ESF1: variants seen among roughly 807,000 people sequenced by gnomAD.
ESF1 encodes the protein ESF1 homolog.
ESF1 carries 58 observed loss-of-function variants against 92.0 expected under a neutral mutation model. That is an observed-to-expected ratio of 0.63 (90% CI 0.51 to 0.78). ESF1 has a LOEUF of 0.78. Among genes scored for constraint, ESF1 ranks in the 30% least tolerant of loss-of-function variants. The pLI is 0.00. For missense variants in ESF1, 922 were observed against 989.1 expected, an observed-to-expected ratio of 0.93 and a Z score of 0.91; for synonymous variants, 321 against 313.7, an observed-to-expected ratio of 1.02 and a Z score of -0.24.
At chr20:13,768,025 C>T (rs948454753) in intron 7 of ESF1, among the ~76,000 whole-genome samples, 5 of 152,226 alleles carry the variant, frequency 3.3e-5, no homozygotes, top group African/African-American at 1.2e-4. Flanking sequence ...GAACTTTAGA[C>T]TGGCTGGCTG....
chr20:13,724,928 TTC>T (rs1403620824), intron 11 of ESF1, among the ~76,000 whole-genome samples: 8 of 152,092 alleles, frequency 5.3e-5, no homozygotes, highest in Non-Finnish European at 1.5e-5. Context: ...GCTCAGCTGG[TTC>T]TCTCTTTCTC....
intron 1 of ESF1, among the ~76,000 whole-genome samples, chr20:13,783,947 C>G (rs1423359263): frequency 6.6e-6 from 1 of 152,242 alleles, no homozygotes; most frequent in East Asian, 1.9e-4. Context: ...GTAAGACTAG[C>G]ATTCTAACTA....
chr20:13,772,974 G>A (rs1025908786), intron 4 of ESF1, among the ~76,000 whole-genome samples: 3 of 152,142 alleles, frequency 2.0e-5, no homozygotes, highest in African/African-American at 7.2e-5. Context: ...GACTGAATTA[G>A]TTTACATGAA....
chr20:13,730,817 A>G (rs1218521524), intron 10 of ESF1, among the ~76,000 whole-genome samples: 1 of 152,026 alleles, frequency 6.6e-6, no homozygotes, highest in Non-Finnish European at 1.5e-5. Flanking sequence ...TATAGATCTC[A>G]ACAACAGCTA....
chr20:13,764,330 T>A (rs749893039), intron 8 of ESF1, among the ~76,000 whole-genome samples: 1 of 152,184 alleles, frequency 6.6e-6, no homozygotes. Flanking sequence ...AAAGTTGACA[T>A]GAAATTACAA....
Position 13,782,986 on chromosome 20 carries a change from G to A in ESF1, c.155C>T (p.Ala52Val), listed in dbSNP as rs1980286546. The A allele has an allele frequency of 3.7e-6, 6 of 1,614,020 alleles. No homozygotes were observed. The highest frequency in any genetic ancestry group is 5.1e-6 in the Non-Finnish European group (6 of 1,180,004). ...FHDKKFKLNY[A>V]VDKRGRPISH... is the part of the protein sequence containing the mutation. ...AATGGGGCGCCCTCTTTTATCCACG[G>A]CATAGTTCAACTTGAACTTCTTGTC... Residue 52 changes from alanine to valine, a missense_variant, in exon 2 of 14, where the codon GCC becomes GTC. Transcript: ENST00000617257.
At chr20:13,734,099 C>T (rs530574868) in intron 9 of ESF1, among the ~76,000 whole-genome samples, 1 of 152,264 alleles carries the variant, frequency 6.6e-6, no homozygotes, top group Admixed American at 6.5e-5. Context: ...AACCTAGCAA[C>T]TTGATACATG....
chr20:13,771,100 G>A (rs1363215000), intron 6 of ESF1, among the ~76,000 whole-genome samples: 1 of 152,164 alleles, frequency 6.6e-6, no homozygotes. Context: ...CTTAAAAACA[G>A]AGCCAATATG....
intron 9 of ESF1, among the ~76,000 whole-genome samples, chr20:13,740,624 G>A (rs2050006024): frequency 6.6e-6 from 1 of 152,128 alleles, no homozygotes; most frequent in African/African-American, 2.4e-5. Flanking sequence ...AAAGTTTTCA[G>A]AACTAACAAA....
chr20:13,784,312 A>C (rs1980507953), intron 1 of ESF1, among the ~76,000 whole-genome samples: 1 of 140,902 alleles, frequency 7.1e-6, no homozygotes, highest in Admixed American at 7.0e-5. Flanking sequence ...TAAAAGGGCA[A>C]TATTTCTTAT....
At chr20:13,728,111 A>G (rs2049914104) in intron 11 of ESF1, among the ~76,000 whole-genome samples, 1 of 152,138 alleles carries the variant, frequency 6.6e-6, no homozygotes, top group Non-Finnish European at 1.5e-5. Flanking sequence ...CACTAAGGAT[A>G]TTTCCCAGAA....
intron 8 of ESF1, among the ~76,000 whole-genome samples, chr20:13,761,646 A>C (rs1235656001): frequency 6.6e-6 from 1 of 152,186 alleles, no homozygotes; most frequent in Non-Finnish European, 1.5e-5. Flanking sequence ...CAACGATCTC[A>C]TTAATATATT....
intron 10 of ESF1, 94 bp from the exon 11 acceptor site, chr20:13,728,559 G>C: frequency 9.8e-7 from 1 of 1,019,980 alleles, no homozygotes; most frequent in East Asian, 2.7e-5. Flanking sequence ...TTTAAACCAA[G>C]TAGTTCAATC....
chr20:13,735,818 A>T (rs1453040730), intron 9 of ESF1, among the ~76,000 whole-genome samples: 1 of 152,162 alleles, frequency 6.6e-6, no homozygotes, highest in Non-Finnish European at 1.5e-5. Flanking sequence ...CTACTTCTGA[A>T]TCACCATGAT....
At chr20:13,773,374 G>T (rs1018445978) in intron 4 of ESF1, among the ~76,000 whole-genome samples, 2 of 152,138 alleles carry the variant, frequency 1.3e-5, no homozygotes, top group Admixed American at 1.3e-4. Context: ...TAATATATAT[G>T]TAGTCACATC....
intron 2 of ESF1, among the ~76,000 whole-genome samples, chr20:13,780,758 T>C (rs368714948): frequency 1.1e-4 from 16 of 152,332 alleles, no homozygotes; most frequent in African/African-American, 3.6e-4. Context: ...TTCAGTTACA[T>C]CTTCAACTAT....
chr20:13,765,745 G>C (rs542292216), intron 8 of ESF1, among the ~76,000 whole-genome samples: 36 of 152,088 alleles, frequency 2.4e-4, no homozygotes, highest in Non-Finnish European at 3.7e-4. Flanking sequence ...GGAGAAATGT[G>C]GTTCTAAACC....
chr20:13,783,218 T>A (rs1035372387), intron 1 of ESF1, 35 bp from the exon 2 acceptor site: 8 of 1,365,688 alleles, frequency 5.9e-6, no homozygotes, highest in Non-Finnish European at 7.9e-6. Context: ...ATGGTAATAA[T>A]GGTTAGTACA....
chr20:13,773,403 CTCTTTTCTAAGTCTAGAAAT>C (rs913742264), intron 4 of ESF1, among the ~76,000 whole-genome samples: 11 of 151,504 alleles, frequency 7.3e-5, no homozygotes, highest in African/African-American at 2.7e-4. Context: ...CTTTTTTTTC[CTCTTTTCTAAGTCTAGAAAT>C]TCTCACTATT....
Sources: allele counts gnomAD v4.1 joint callset (sites outside exome capture counted in the v4.1 genomes callset), GRCh38; gene constraint gnomAD v4.1.1; transcripts MANE v1.5; gene names NCBI Gene and HGNC (gene_info 2026-07-23, HGNC 2026-07-21).